FILIP1: variants seen among roughly 807,000 people sequenced by gnomAD.
The protein encoded by FILIP1 is filamin A interacting protein 1, also known as filamin-A-interacting protein 1.
Under a neutral mutation model 102.1 loss-of-function variants are expected in FILIP1, and 61 were observed. That is an observed-to-expected ratio of 0.60 (90% CI 0.49 to 0.74). FILIP1 has a LOEUF of 0.74. FILIP1 is among the 30% of genes least tolerant of loss of function. The pLI is 0.00. For missense variants in FILIP1, 1,314 were observed against 1,441.2 expected, an observed-to-expected ratio of 0.91 and a Z score of 1.43; for synonymous variants, 491 against 526.9, an observed-to-expected ratio of 0.93 and a Z score of 0.93.
chr6:75,292,825 T>G (rs1293477939), exon 7 of FILIP1: 3 of 152,214 alleles, frequency 2.0e-5, no homozygotes, highest in African/African-American at 7.2e-5. Context: ...AACCACAGCA[T>G]TAGGAGAAAA....
chr6:75,314,378 C>T lies in FILIP1; in HGVS notation c.1454G>A (p.Ser485Asn). Residue 485 changes from serine to asparagine, a missense_variant, in exon 5 of 6, where the codon AGT becomes AAT. This residue lies in a region of FILIP1 where 816 missense variants were observed against 913.1 expected (regional missense o/e 0.89). Transcript: ENST00000237172. ...SRVKELECSE[S>N]RLEKAELSLK... Reference sequence around the variant, plus strand: ...GCTTAATTCAGCCTTTTCCAATCTACTTTCAGAACATTCCAATTCTTTAAC... The same window carrying T: ...GCTTAATTCAGCCTTTTCCAATCTATTTTCAGAACATTCCAATTCTTTAAC... 1 of 1,525,486 alleles carries T rather than the reference C, an allele frequency of 6.6e-7. No individual in the cohort carries two copies. The highest frequency in any genetic ancestry group is 8.7e-7 in the Non-Finnish European group (1 of 1,145,180). 94.5% of individuals were successfully genotyped at this position (1,525,486 alleles called of 1,614,324 possible). A position where few individuals can be genotyped will look rare whatever the true frequency, so the allele number is the denominator to read the frequency against.
chr6:75,456,057 C>T (rs1425290940), intron 1 of FILIP1, among the ~76,000 whole-genome samples: 1 of 152,222 alleles, frequency 6.6e-6, no homozygotes, highest in East Asian at 1.9e-4. Flanking sequence ...AAATCTCACA[C>T]ATCCTCCTAG....
chr6:75,328,485 G>A (rs1773949642), intron 4 of FILIP1, among the ~76,000 whole-genome samples: 1 of 83,606 alleles, frequency 1.2e-5, no homozygotes. Context: ...CTGTAATAAT[G>A]TTTTTGTTTG....
intron 6 of FILIP1, among the ~76,000 whole-genome samples, chr6:75,302,786 G>A (rs147669467): frequency 7.4e-4 from 112 of 151,396 alleles, no homozygotes; most frequent in Middle Eastern, 3.4e-3. Context: ...ACTTTTGGGC[G>A]GTTTTCAAAT....
At chr6:75,435,776 T>C (rs1053597776) in intron 1 of FILIP1, among the ~76,000 whole-genome samples, 5 of 152,156 alleles carry the variant, frequency 3.3e-5, no homozygotes, top group African/African-American at 1.2e-4. Context: ...TGAGGTGTTA[T>C]CAAAGGTACC....
At chr6:75,335,518 T>C (rs62414168) in intron 4 of FILIP1, among the ~76,000 whole-genome samples, 4 of 147,210 alleles carry the variant, frequency 2.7e-5, no homozygotes, top group African/African-American at 1.0e-4. Context: ...CCCTCCCTCC[T>C]TCCCTTCATT....
At chr6:75,372,685 G>GAAAGGAA (rs1235291415) in intron 2 of FILIP1, among the ~76,000 whole-genome samples, 1 of 23,422 alleles carries the variant, frequency 4.3e-5, no homozygotes, top group African/African-American at 2.5e-4. Context: ...AAGAAAGAAA[G>GAAAGGAA]AGAAAGAAAG....
At chr6:75,461,676 C>A (rs563471858) in intron 1 of FILIP1, among the ~76,000 whole-genome samples, 1 of 152,216 alleles carries the variant, frequency 6.6e-6, no homozygotes, top group Non-Finnish European at 1.5e-5. Flanking sequence ...TATTTGATTT[C>A]TTTAGACCCA....
At chr6:75,486,133 C>A (rs1350848546) in intron 1 of FILIP1, among the ~76,000 whole-genome samples, 8 of 152,178 alleles carry the variant, frequency 5.3e-5, no homozygotes. Context: ...AAGGTAGAGA[C>A]TGGCAGCACA....
Position 75,314,203 on chromosome 6 carries a change from T to G in FILIP1, c.1629A>C (p.Val543=), listed in dbSNP as rs756651176. 1 of 1,559,864 alleles carries G rather than the reference T, an allele frequency of 6.4e-7. No homozygotes were observed. Among genetic ancestry groups the G allele is most frequent in the East Asian group, 2.3e-5 (1 of 42,734 alleles). The change falls in exon 5 of 6, where the codon GTA becomes GTC. Residue 543 remains valine (V), a synonymous_variant. Coordinates refer to ENST00000237172, the MANE Select transcript of FILIP1 (RefSeq NM_015687.5). The part of the protein sequence containing the change: ...FKVEQGKVMD[V]TEKLIEESKK... ...TACTTTCTTCAATTAGTTTTTCAGT[T>G]ACATCCATAACTTTTCCTTGTTCCA... is the stretch of plus-strand genomic sequence containing the variant.
At chr6:75,436,146 G>A (rs1399984400) in intron 1 of FILIP1, among the ~76,000 whole-genome samples, 2 of 152,002 alleles carry the variant, frequency 1.3e-5, no homozygotes, top group African/African-American at 4.8e-5. Context: ...GCCGAGGCAG[G>A]CAGATCACTT....
At chr6:75,458,103 C>T (rs144611204) in intron 1 of FILIP1, 19 of 152,206 alleles carry the variant, frequency 1.2e-4, no homozygotes, top group African/African-American at 2.6e-4. Context: ...TACAATAAAA[C>T]GATTCATTCT....
intron 2 of FILIP1, among the ~76,000 whole-genome samples, chr6:75,372,688 AAAG>A (rs1775585703): frequency 2.1e-5 from 1 of 46,680 alleles, no homozygotes; most frequent in African/African-American, 1.4e-4. Context: ...AAAGAAAGAG[AAAG>A]AAAGAGAAAG....
chr6:75,388,702 C>T (rs774069900), intron 2 of FILIP1, among the ~76,000 whole-genome samples: 9 of 152,140 alleles, frequency 5.9e-5, no homozygotes, highest in Admixed American at 1.3e-4. Flanking sequence ...TATAGGAATG[C>T]TTGTGATTTT....
At chr6:75,320,437 T>G in intron 4 of FILIP1, among the ~76,000 whole-genome samples, 1 of 151,818 alleles carries the variant, frequency 6.6e-6, no homozygotes, top group East Asian at 1.9e-4. Context: ...ATTAGCTGTG[T>G]GTGGTGGCAT....
At chr6:75,328,121 T>C (rs1004715162) in intron 4 of FILIP1, among the ~76,000 whole-genome samples, 2 of 152,218 alleles carry the variant, frequency 1.3e-5, no homozygotes, top group Non-Finnish European at 2.9e-5. Context: ...TGGATTTTTT[T>C]AAAATTTAGA....
rs116860672 is a variant in FILIP1 at position 75,469,867 on chromosome 6, A to T, written c.-7+23547T>A. Among the ~76,000 whole-genome samples, 8 of 152,242 alleles carry T rather than the reference A, an allele frequency of 5.3e-5. No homozygotes were observed. The East Asian group carries it at 1.5e-3, about 29-fold the overall frequency. ...AAGACAATTGTGATTATGTGTGTAT[A>T]TGTGATACACTCGTGTGTGCATCTG... is the stretch of plus-strand genomic sequence containing the variant. On this transcript the variant is annotated intron_variant, in intron 1 of 5. Coordinates refer to ENST00000237172, the MANE Select transcript of FILIP1 (RefSeq NM_015687.5).
In FILIP1 at chr6:75,421,442, T is replaced by A. The variant is rs138610755; in HGVS notation, c.-6-6464A>T. On this transcript the variant is annotated intron_variant, in intron 1 of 5. Transcript: ENST00000237172. ...TCCCAGATCCTTAAGTCATGGTATA[T>A]GTTTAGGAAATACTCATGAGACTTG... Among the ~76,000 whole-genome samples the A allele has an allele frequency of 1.8e-3, 269 of 152,294 alleles. 2 individuals are homozygous for A. The highest frequency in any genetic ancestry group is 3.3e-3 in the Non-Finnish European group (223 of 68,002).
chr6:75,298,742 C>A (rs1451024491), intron 6 of FILIP1, among the ~76,000 whole-genome samples: 1 of 152,030 alleles, frequency 6.6e-6, no homozygotes, highest in Non-Finnish European at 1.5e-5. Context: ...CATGGTGAAA[C>A]CCCATCTCTA....
Sources: gnomAD v4.1 joint callset for allele counts (sites outside exome capture counted in the v4.1 genomes callset) on GRCh38, gnomAD v4.1.1 for gene constraint, gnomAD v4.1.1 regional missense constraint, MANE v1.5 for transcripts, NCBI Gene and HGNC (gene_info 2026-07-23, HGNC 2026-07-21) for gene names.